CHURC1: variants seen among roughly 807,000 people sequenced by gnomAD.
CHURC1 encodes the protein churchill domain containing 1.
A neutral mutation model predicts 15.4 loss-of-function variants in CHURC1; 12 were observed. That is an observed-to-expected ratio of 0.78 (90% CI 0.50 to 1.27). The LOEUF is 1.27. Ranked by LOEUF, CHURC1 falls within the 50% of genes most tolerant of loss-of-function variation. The probability of loss-of-function intolerance (pLI) is 0.00; values close to 1 mark genes in which losing one functional copy is unlikely to be tolerated. For synonymous variants in CHURC1, 42 were observed against 47.5 expected (o/e 0.88, Z 0.48); for missense variants, 132 against 137.8 (o/e 0.96, Z 0.21).
At chr14:64,924,487 C>T (rs1884546287) in intron 2 of CHURC1, 1 of 156,424 alleles carries the variant, frequency 6.4e-6, no homozygotes, top group Non-Finnish European at 1.4e-5. Context: ...CACTTTTCTG[C>T]TACAGTATAA....
intron 2 of CHURC1, 107 bp from the exon 3 acceptor site, chr14:64,925,903 C>A: frequency 1.3e-6 from 1 of 745,818 alleles, no homozygotes; most frequent in Non-Finnish European, 2.1e-6. Flanking sequence ...TTAAATATGA[C>A]AGACTTAAGA....
chr14:64,927,732 T>TCCCCCCCCCCCCCCCCCCCCCCCCCCCCC (rs1566830855), intron 3 of CHURC1, among the ~76,000 whole-genome samples: 2 of 106,674 alleles, frequency 1.9e-5, no homozygotes, highest in Non-Finnish European at 3.8e-5. Context: ...CCCCCCGCCG[T>TCCCCCCCCCCCCCCCCCCCCCCCCCCCCC]CAATTCATAC....
At chr14:64,931,402 C>T (rs954027327) in intron 3 of CHURC1, among the ~76,000 whole-genome samples, 4 of 151,928 alleles carry the variant, frequency 2.6e-5, no homozygotes, top group South Asian at 2.1e-4. Context: ...GGCGTGATGC[C>T]GAGTGCTTGT....
intron 3 of CHURC1, among the ~76,000 whole-genome samples, chr14:64,929,333 C>T (rs1884941693): frequency 6.6e-6 from 1 of 152,062 alleles, no homozygotes. Context: ...ACTCAAATTC[C>T]ATCTCCTCTT....
At chr14:64,921,500 G>A (rs137923623) in intron 1 of CHURC1, among the ~76,000 whole-genome samples, 11 of 151,950 alleles carry the variant, frequency 7.2e-5, no homozygotes, top group African/African-American at 2.7e-4. Flanking sequence ...TTTGAAAATG[G>A]GCAAAAGACT....
At chr14:64,924,911 C>G (rs1377551843) in intron 2 of CHURC1, among the ~76,000 whole-genome samples, 1 of 152,150 alleles carries the variant, frequency 6.6e-6, no homozygotes, top group Non-Finnish European at 1.5e-5. Flanking sequence ...GGTATTTTGT[C>G]AGAGGAGTTT....
At chr14:64,926,922 G>A (rs550507936) in intron 3 of CHURC1, among the ~76,000 whole-genome samples, 7 of 152,280 alleles carry the variant, frequency 4.6e-5, no homozygotes, top group African/African-American at 1.7e-4. Context: ...CAGTCGGGGA[G>A]AGCCAGGGAC....
chr14:64,926,023 T>C lies in CHURC1; in HGVS notation c.189T>C (p.Asn63=). 1.3e-6 allele frequency: 2 copies of C among 1,598,202 alleles called. No individual in the cohort carries two copies. The highest frequency in any genetic ancestry group is 1.7e-6 in the Non-Finnish European group (2 of 1,173,574). ...TTGTTTTAGCAGATTTGTGTAAGAA[T>C]TGTCATCATGTAATAGCCAGACATG... ...EIVTYDHLCK[N]CHHVIARHEY... Residue 63 remains asparagine, a synonymous_variant, in exon 3 of 4, where the codon AAT becomes AAC. Transcript: ENST00000549115.
intron 1 of CHURC1, among the ~76,000 whole-genome samples, chr14:64,921,974 A>C (rs749948371): frequency 6.6e-6 from 1 of 152,228 alleles, no homozygotes; most frequent in Non-Finnish European, 1.5e-5. Context: ...AACAGTGATG[A>C]TGAACATAGG....
intron 1 of CHURC1, among the ~76,000 whole-genome samples, chr14:64,917,711 C>T (rs59876171): frequency 0.2 from 30,343 of 151,780 alleles, 4,924 homozygotes; most frequent in East Asian, 0.58. Context: ...GGCAACAGAG[C>T]GAGACCCTGT....
intron 1 of CHURC1, among the ~76,000 whole-genome samples, chr14:64,920,631 G>A (rs1391160507): frequency 6.6e-6 from 1 of 152,208 alleles, no homozygotes; most frequent in Non-Finnish European, 1.5e-5. Flanking sequence ...TTCCTTCAGT[G>A]TTTTCTTAGA....
chr14:64,928,474 CCCTGGGCTCAAACAGT>C (rs1456228474), intron 3 of CHURC1, among the ~76,000 whole-genome samples: 1 of 152,014 alleles, frequency 6.6e-6, no homozygotes, highest in Non-Finnish European at 1.5e-5. Context: ...GGTCTTGAAC[CCCTGGGCTCAAACAGT>C]CCTCCTGCCT....
rs752299207 is a variant in CHURC1 at position 64,914,458 on chromosome 14, G to T, written c.-38G>T. 2.5e-6 allele frequency: 4 copies of T among 1,614,258 alleles called. No homozygotes were observed. In the Admixed American group the frequency reaches 5.0e-5, roughly 20 times the overall value. On this transcript the variant is annotated 5_prime_UTR_variant, in exon 1 of 4. Coordinates refer to ENST00000549115, the MANE Select transcript of CHURC1 (RefSeq NM_001386928.1). ...AGTTCTCGCGAGGTTTCGTCTTCCC[G>T]GAAGCGTTGGAGGACATTCCCTGTT...
chr14:64,929,801 C>A (rs771381270), intron 3 of CHURC1, among the ~76,000 whole-genome samples: 1 of 151,862 alleles, frequency 6.6e-6, no homozygotes, highest in African/African-American at 2.4e-5. Flanking sequence ...AACCATAATG[C>A]CATTATTAAA....
chr14:64,924,171 A>G, intron 2 of CHURC1, 45 bp downstream of exon 2: 2 of 1,562,560 alleles, frequency 1.3e-6, no homozygotes, highest in Non-Finnish European at 1.7e-6. Flanking sequence ...AGCAGGTGTC[A>G]GCTTTTGGAA....
chr14:64,930,686 C>G (rs1189030346), intron 3 of CHURC1: 3 of 369,490 alleles, frequency 8.1e-6, no homozygotes, highest in African/African-American at 6.4e-5. Flanking sequence ...CATGTAGGCA[C>G]TCAGTATAAA....
chr14:64,919,113 A>AT (rs200003535), intron 1 of CHURC1, among the ~76,000 whole-genome samples: 3 of 150,320 alleles, frequency 2.0e-5, no homozygotes. Context: ...GGTGAACCAC[A>AT]TTTTTTTTTT....
At chr14:64,915,027 C>T (rs190313168) in intron 1 of CHURC1, among the ~76,000 whole-genome samples, 36 of 152,340 alleles carry the variant, frequency 2.4e-4, no homozygotes, top group Non-Finnish European at 4.6e-4. Flanking sequence ...TTTAGGTTTC[C>T]TGCCTGTTAC....
rs559379592 is a variant in CHURC1, at chr14:64,934,199, A to G, written c.*1969A>G. Reference sequence around the variant, plus strand: ...CTTTACTAAAAATACAAAAACAAAAATTAGCCAGGGGTGGTGGTATGCACC... The same window carrying G: ...CTTTACTAAAAATACAAAAACAAAAGTTAGCCAGGGGTGGTGGTATGCACC... On this transcript the variant is annotated 3_prime_UTR_variant, in exon 4 of 4. Coordinates refer to ENST00000549115, the MANE Select transcript of CHURC1 (RefSeq NM_001386928.1). 2.4e-6 allele frequency: 1 copy of G among 409,626 alleles called. No homozygotes were observed. The highest frequency in any genetic ancestry group is 6.4e-5 in the Admixed American group (1 of 15,566). 25.4% of individuals were successfully genotyped at this position (409,626 alleles called of 1,614,324 possible).
Sources: allele counts gnomAD v4.1 joint callset (sites outside exome capture counted in the v4.1 genomes callset), GRCh38; gene constraint gnomAD v4.1.1; transcripts MANE v1.5; gene names NCBI Gene and HGNC (gene_info 2026-07-23, HGNC 2026-07-21).